PUM3: variants seen among roughly 807,000 people sequenced by gnomAD.
PUM3 encodes the protein pumilio RNA binding family member 3, also known as pumilio homolog 3.
A neutral mutation model predicts 84.0 loss-of-function variants in PUM3; 91 were observed. The ratio of observed to expected loss-of-function variants is 1.08; its 90% CI spans 0.91 to 1.29. The LOEUF is 1.29. PUM3 is among the 50% of genes most tolerant of loss of function. PUM3 has a pLI of 0.00. For synonymous variants in PUM3, 321 were observed against 266.7 expected, an observed-to-expected ratio of 1.20 and a Z score of -1.98; for missense variants, 1,067 against 767.5, an observed-to-expected ratio of 1.39 and a Z score of -4.61.
chr9:2,810,449 C>T lies in PUM3; in HGVS notation c.1636-18G>A, dbSNP rs756272229. On this transcript the variant is annotated intron_variant, in intron 15 of 17. Coordinates refer to ENST00000397885, the MANE Select transcript of PUM3 (RefSeq NM_014878.5). ...ATGTGAAGCTATGAAGGGTCAAGAACAGTTAATTTTAAAAGTTGTTTTCAT... is the reference window on the plus strand; with the variant it reads ...ATGTGAAGCTATGAAGGGTCAAGAATAGTTAATTTTAAAAGTTGTTTTCAT... 8 of 1,547,406 alleles carry T rather than the reference C, an allele frequency of 5.2e-6. No individual in the cohort carries two copies. In the East Asian group the frequency reaches 6.8e-5, roughly 13 times the overall value.
intron 13 of PUM3, among the ~76,000 whole-genome samples, chr9:2,816,802 G>C (rs1426960127): frequency 2.0e-5 from 3 of 152,192 alleles, no homozygotes; most frequent in Non-Finnish European, 4.4e-5. Flanking sequence ...TGGGTGGGGA[G>C]ACCACATCTG....
At chr9:2,830,698 C>G (rs752222823) in intron 7 of PUM3, among the ~76,000 whole-genome samples, 22 of 152,036 alleles carry the variant, frequency 1.4e-4, no homozygotes, top group Non-Finnish European at 2.1e-4. Flanking sequence ...GAGGGTATAC[C>G]TCCATCAAAG....
At chr9:2,840,217 T>C (rs1414969564) in intron 1 of PUM3, among the ~76,000 whole-genome samples, 1 of 152,198 alleles carries the variant, frequency 6.6e-6, no homozygotes, top group African/African-American at 2.4e-5. Context: ...TTGGTCAAAG[T>C]AGTGTTTTCC....
At chr9:2,826,339 C>A (rs572446715) in intron 10 of PUM3, among the ~76,000 whole-genome samples, 1 of 152,200 alleles carries the variant, frequency 6.6e-6, no homozygotes, top group Non-Finnish European at 1.5e-5. Flanking sequence ...GAAAAATCTC[C>A]AAAACAGAAG....
At chr9:2,829,732 C>A (rs371192200) in intron 8 of PUM3, 42 bp downstream of exon 8, 3 of 1,551,794 alleles carry the variant, frequency 1.9e-6, no homozygotes, top group Non-Finnish European at 2.6e-6. Context: ...AAGAGCATAT[C>A]GAAAAGTAAA....
chr9:2,830,918 CA>C (rs777436560), intron 7 of PUM3, 43 bp downstream of exon 7: 2 of 1,023,346 alleles, frequency 2.0e-6, no homozygotes, highest in Admixed American at 2.1e-5. Context: ...ACCATGTCTT[CA>C]AAAGACAAAG....
rs1821390218 is a variant in PUM3 at position 2,812,264 on chromosome 9, T to C, written c.1368A>G (p.Arg456=). 6.2e-7 allele frequency: 1 copy of C among 1,613,682 alleles called. No individual in the cohort carries two copies. The highest frequency in any genetic ancestry group is 1.1e-5 in the South Asian group (1 of 91,046). Residue 456 remains arginine, a synonymous_variant, in exon 14 of 18, where the codon CGA becomes CGG. Transcript: ENST00000397885. ...LSPRDPAHTV[R]EIIEVLQKGD... ...CTTTTTGCAGAACTTCAATGATTTC[T>C]CGTACTGTATGTGCAGGATCTCTGG...
Position 2,824,758 on chromosome 9 carries a change from C to T in PUM3, c.1093G>A (p.Ala365Thr), listed in dbSNP as rs990396714. 3.1e-6 allele frequency: 5 copies of T among 1,588,288 alleles called. No individual in the cohort carries two copies. The highest frequency in any genetic ancestry group is 2.3e-5 in the East Asian group (1 of 44,288). ...VVYLAHTHDG[A>T]RVAMHCLWHG... is the part of the protein sequence containing the mutation. ...CACAGGCAGTGCATGGCCACTCTGG[C>T]GCCATCGTGTGTGTGTGCCAGGTAG... is the stretch of plus-strand genomic sequence containing the variant. The change falls in exon 11 of 18, where the codon GCC becomes ACC. Residue 365 changes from alanine (A) to threonine (T), a missense_variant. Physicochemically the swap from Ala to Thr is moderately conservative, Grantham distance 58. Coordinates refer to ENST00000397885, the MANE Select transcript of PUM3 (RefSeq NM_014878.5).
chr9:2,837,411 A>C lies in PUM3; in HGVS notation c.83-10T>G, dbSNP rs1816157567. ...TTTGAAGAACCAGAATCTAGTGACAATAATAATTATAAGTTCAATGATTCT... is the reference window on the plus strand; with the variant it reads ...TTTGAAGAACCAGAATCTAGTGACACTAATAATTATAAGTTCAATGATTCT... On this transcript the variant is annotated splice_polypyrimidine_tract_variant and intron_variant, in intron 2 of 17. Coordinates refer to ENST00000397885, the MANE Select transcript of PUM3 (RefSeq NM_014878.5). 1 of 1,542,774 alleles carries C rather than the reference A, an allele frequency of 6.5e-7. No homozygotes were observed. The highest frequency in any genetic ancestry group is 1.4e-5 in the African/African-American group (1 of 73,174).
chr9:2,806,304 G>A (rs1052942629), intron 17 of PUM3, among the ~76,000 whole-genome samples: 6 of 152,122 alleles, frequency 3.9e-5, no homozygotes, highest in Non-Finnish European at 8.8e-5. Context: ...AACATCAACT[G>A]GAAAATTAAC....
At position 2,804,477 on chromosome 9, in the gene PUM3, A is replaced by G. The variant is rs754272728; in HGVS notation, c.1815-14T>C. ...CTCTGGAGGAGGCTGAAGAGAGGAA[A>G]AAAATTAAATTTCATAAGCATTCCT... On this transcript the variant is annotated splice_polypyrimidine_tract_variant and intron_variant, in intron 17 of 17. Coordinates refer to ENST00000397885, the MANE Select transcript of PUM3 (RefSeq NM_014878.5). 1.9e-6 allele frequency: 3 copies of G among 1,604,854 alleles called. No individual in the cohort carries two copies. In the African/African-American group the frequency reaches 4.0e-5, roughly 22 times the overall value.
intron 10 of PUM3, 79 bp downstream of exon 10, chr9:2,826,994 G>A (rs992122485): frequency 1.2e-5 from 13 of 1,061,584 alleles, no homozygotes; most frequent in South Asian, 1.0e-4. Flanking sequence ...ACAAGACAAC[G>A]TACATCAAAG....
chr9:2,824,712 C>T lies in PUM3; in HGVS notation c.1134+5G>A, dbSNP rs1563830998. The T allele has an allele frequency of 6.5e-7, 1 of 1,529,918 alleles. No homozygotes were observed. Among genetic ancestry groups the T allele is most frequent in the Non-Finnish European group, 8.9e-7 (1 of 1,126,632 alleles). The allele number at this position is 1,529,918 out of a possible 1,614,324, so 94.8% of individuals were successfully genotyped here. A position where few individuals can be genotyped will look rare whatever the true frequency, so the allele number is the denominator to read the frequency against. On this transcript the variant is annotated splice_donor_5th_base_variant and intron_variant, in intron 11 of 17. Coordinates refer to ENST00000397885, the MANE Select transcript of PUM3 (RefSeq NM_014878.5). Reference sequence around the variant, plus strand: ...GTTTAAATGCCCAAGTGCTGTCACACTTACCTTGGGCGTGCCATGCCACAG... The same window carrying T: ...GTTTAAATGCCCAAGTGCTGTCACATTTACCTTGGGCGTGCCATGCCACAG...
At chr9:2,842,449 C>T (rs1816289626) in intron 1 of PUM3, among the ~76,000 whole-genome samples, 1 of 152,196 alleles carries the variant, frequency 6.6e-6, no homozygotes, top group Non-Finnish European at 1.5e-5. Context: ...CCACTCATCA[C>T]CACCACACAG....
intron 13 of PUM3, among the ~76,000 whole-genome samples, chr9:2,819,692 C>G (rs1348201448): frequency 6.6e-6 from 1 of 152,144 alleles, no homozygotes; most frequent in Non-Finnish European, 1.5e-5. Context: ...CTGATCATAT[C>G]TAAATATCAC....
chr9:2,833,528 C>T (rs943053913), intron 4 of PUM3, 96 bp from the exon 5 acceptor site: 6 of 605,652 alleles, frequency 9.9e-6, no homozygotes, highest in Non-Finnish European at 1.6e-5. Flanking sequence ...TCTCCAAGTT[C>T]AGCATGATTT....
chr9:2,814,619 A>C (rs1821435103), intron 13 of PUM3, among the ~76,000 whole-genome samples: 1 of 152,242 alleles, frequency 6.6e-6, no homozygotes, highest in Non-Finnish European at 1.5e-5. Context: ...ACCAACACAT[A>C]AGAGAGGACA....
At chr9:2,825,708 C>G (rs1161874798) in intron 10 of PUM3, among the ~76,000 whole-genome samples, 1 of 152,112 alleles carries the variant, frequency 6.6e-6, no homozygotes, top group Non-Finnish European at 1.5e-5. Flanking sequence ...TCTCGAACTA[C>G]TGACCTTGTG....
intron 13 of PUM3, among the ~76,000 whole-genome samples, chr9:2,812,974 A>T (rs1436148468): frequency 6.6e-6 from 1 of 152,222 alleles, no homozygotes; most frequent in Non-Finnish European, 1.5e-5. Flanking sequence ...GAAAGGAGAT[A>T]AAGAAACTCT....
Sources: gnomAD v4.1 joint callset for allele counts (sites outside exome capture counted in the v4.1 genomes callset) on GRCh38, gnomAD v4.1.1 for gene constraint, MANE v1.5 for transcripts, NCBI Gene and HGNC (gene_info 2026-07-23, HGNC 2026-07-21) for gene names.